CNTLN: variants seen among roughly 807,000 people sequenced by gnomAD.
The protein encoded by CNTLN is centlein, centrosomal protein.
A neutral mutation model predicts 180.0 loss-of-function variants in CNTLN; 212 were observed. The observed-to-expected ratio is 1.18, with a 90% confidence interval of 1.05 to 1.32. CNTLN has a LOEUF of 1.32. CNTLN is among the 40% of genes most tolerant of loss of function. The probability of loss-of-function intolerance (pLI) is 0.00; values close to 1 mark genes in which losing one functional copy is unlikely to be tolerated. For missense variants in CNTLN, 2,095 were observed against 1,610.9 expected (o/e 1.30, Z -5.14); for synonymous variants, 722 against 563.1 (o/e 1.28, Z -3.99).
At chr9:17,168,859 T>G (rs1410506473) in intron 2 of CNTLN, among the ~76,000 whole-genome samples, 4 of 152,142 alleles carry the variant, frequency 2.6e-5, no homozygotes, top group African/African-American at 4.8e-5. Flanking sequence ...ATTGTGAAGT[T>G]TTGTGTTGGA....
rs377092752 is a variant in CNTLN, at chr9:17,144,943, G to A, written c.449+1567G>A. Among the ~76,000 whole-genome samples, 11 of 151,102 alleles carry A rather than the reference G, an allele frequency of 7.3e-5. No homozygotes were observed. In the South Asian group the frequency reaches 8.3e-4, roughly 11 times the overall value. ...TGCAAGCTCCGCTTCCCGGGTTCAC[G>A]CCATTCTCCTGCCTCAGCCTCCCGA... On this transcript the variant is annotated intron_variant, in intron 2 of 25. Coordinates refer to ENST00000380647, the MANE Select transcript of CNTLN (RefSeq NM_017738.4).
intron 1 of CNTLN, among the ~76,000 whole-genome samples, chr9:17,137,037 A>G (rs1817766027): frequency 2.0e-5 from 3 of 152,276 alleles, no homozygotes; most frequent in Non-Finnish European, 1.5e-5. Context: ...TGGTTAAGGA[A>G]GTCAGTCTAT....
At chr9:17,456,933 GCATTTCTACCTCAA>G (rs1311355016) in intron 18 of CNTLN, among the ~76,000 whole-genome samples, 1 of 152,110 alleles carries the variant, frequency 6.6e-6, no homozygotes, top group Non-Finnish European at 1.5e-5. Flanking sequence ...GGAGTTTAGT[GCATTTCTACCTCAA>G]CATTAGAAAC....
intron 15 of CNTLN, among the ~76,000 whole-genome samples, chr9:17,400,616 A>G (rs1379733453): frequency 6.6e-6 from 1 of 152,232 alleles, no homozygotes; most frequent in African/African-American, 2.4e-5. Flanking sequence ...GATCATATTC[A>G]TAGATACGTT....
intron 13 of CNTLN, among the ~76,000 whole-genome samples, chr9:17,384,958 A>G (rs1490601110): frequency 1.3e-5 from 2 of 152,210 alleles, no homozygotes; most frequent in Non-Finnish European, 2.9e-5. Flanking sequence ...GACTGCCTCC[A>G]TTTTAGATCC....
At chr9:17,290,363 C>A (rs990111838) in intron 6 of CNTLN, among the ~76,000 whole-genome samples, 6 of 149,294 alleles carry the variant, frequency 4.0e-5, no homozygotes, top group Admixed American at 3.4e-4. Flanking sequence ...GCAGTCTGCC[C>A]GTTCTCAGAT....
At chr9:17,310,641 T>C (rs1021546066) in intron 8 of CNTLN, among the ~76,000 whole-genome samples, 1 of 152,226 alleles carries the variant, frequency 6.6e-6, no homozygotes, top group Non-Finnish European at 1.5e-5. Context: ...TAGGTGATAC[T>C]GATCACCTGT....
At chr9:17,176,491 A>C (rs1311743786) in intron 2 of CNTLN, among the ~76,000 whole-genome samples, 1 of 152,170 alleles carries the variant, frequency 6.6e-6, no homozygotes, top group Non-Finnish European at 1.5e-5. Flanking sequence ...CTATTTGCTA[A>C]TGTTTTGTTA....
chr9:17,186,094 C>T (rs1821420968), intron 2 of CNTLN, among the ~76,000 whole-genome samples: 1 of 152,108 alleles, frequency 6.6e-6, no homozygotes, highest in African/African-American at 2.4e-5. Flanking sequence ...GTCAGCCCCT[C>T]CCATTCTTTA....
intron 23 of CNTLN, among the ~76,000 whole-genome samples, chr9:17,471,782 A>G (rs968006802): frequency 1.3e-5 from 2 of 152,072 alleles, no homozygotes; most frequent in African/African-American, 4.8e-5. Flanking sequence ...TGGTAATAGA[A>G]GGCAATTTTG....
At chr9:17,146,414 C>A (rs1039104091) in intron 2 of CNTLN, among the ~76,000 whole-genome samples, 14 of 152,040 alleles carry the variant, frequency 9.2e-5, no homozygotes, top group Non-Finnish European at 2.1e-4. Flanking sequence ...ATGTTGGTGT[C>A]CCCCCAAAAT....
intron 5 of CNTLN, among the ~76,000 whole-genome samples, chr9:17,264,527 G>T (rs183153313): frequency 2.0e-5 from 3 of 150,234 alleles, no homozygotes; most frequent in Admixed American, 2.0e-4. Context: ...GGTGATGTGG[G>T]CTCTCTTTTG....
chr9:17,348,965 G>T (rs1396845452), intron 12 of CNTLN, among the ~76,000 whole-genome samples: 1 of 151,980 alleles, frequency 6.6e-6, no homozygotes, highest in African/African-American at 2.4e-5. Flanking sequence ...TGTACCTTTG[G>T]CTAGAGAGAG....
intron 18 of CNTLN, 87 bp downstream of exon 18, chr9:17,416,276 G>C (rs1828244446): frequency 8.8e-7 from 1 of 1,133,320 alleles, no homozygotes; most frequent in African/African-American, 1.6e-5. Flanking sequence ...GTTTATATTT[G>C]TGTTAGGCAG....
chr9:17,521,196 AG>A, the CNTLN span, among the ~76,000 whole-genome samples: 29 of 151,134 alleles, frequency 1.9e-4, no homozygotes, highest in Non-Finnish European at 3.7e-4. Flanking sequence ...CCAAACCTTC[AG>A]GGTTCCCAGA....
chr9:17,145,029 G>A lies in CNTLN; in HGVS notation c.449+1653G>A, dbSNP rs542878967. Among the ~76,000 whole-genome samples the A allele has an allele frequency of 3.8e-3, 578 of 150,498 alleles. 6 individuals carry two copies. The highest frequency in any genetic ancestry group is 0.012 in the African/African-American group (511 of 40,940). Reference sequence around the variant, plus strand: ...GCTAATTTTTTGTATTTTTAGTAGAGACGGGGTTTCACCTTGTTAGCCAGG... The same window carrying A: ...GCTAATTTTTTGTATTTTTAGTAGAAACGGGGTTTCACCTTGTTAGCCAGG... On this transcript the variant is annotated intron_variant, in intron 2 of 25. Transcript: ENST00000380647.
chr9:17,175,624 C>G (rs2131679415), intron 2 of CNTLN, among the ~76,000 whole-genome samples: 1 of 152,204 alleles, frequency 6.6e-6, no homozygotes, highest in African/African-American at 2.4e-5. Flanking sequence ...TTAGATATTT[C>G]AGTCCTGTGC....
At chr9:17,367,807 G>T (rs1011009708) in intron 13 of CNTLN, among the ~76,000 whole-genome samples, 2 of 152,054 alleles carry the variant, frequency 1.3e-5, no homozygotes, top group Admixed American at 6.6e-5. Flanking sequence ...ATCACCTACT[G>T]ACTGAAGAGC....
rs182194533 is a variant in CNTLN, at chr9:17,381,656, T to G, written c.1988-6506T>G. ...CCAATTTCTGTATCCCATCAGCTTT[T>G]GCTGCAGAATAAACAACCACAAAGT... On this transcript the variant is annotated intron_variant, in intron 13 of 25. Coordinates refer to ENST00000380647, the MANE Select transcript of CNTLN (RefSeq NM_017738.4). Among the ~76,000 whole-genome samples, 479 of 152,336 alleles carry G rather than the reference T, an allele frequency of 3.1e-3. 13 individuals carry two copies. The highest frequency in any genetic ancestry group is 0.028 in the Admixed American group (428 of 15,306).
Sources: allele counts gnomAD v4.1 joint callset (sites outside exome capture counted in the v4.1 genomes callset), GRCh38; gene constraint gnomAD v4.1.1; transcripts MANE v1.5; gene names NCBI Gene and HGNC (gene_info 2026-07-23, HGNC 2026-07-21).